CSNK2A2: variants seen among roughly 807,000 people sequenced by gnomAD.
CSNK2A2 encodes casein kinase II subunit alpha'.
Under a neutral mutation model 54.0 loss-of-function variants are expected in CSNK2A2, and 8 were observed. The ratio of observed to expected loss-of-function variants is 0.15; its 90% CI spans 0.09 to 0.27. CSNK2A2 has a LOEUF of 0.27. CSNK2A2 is among the 10% of genes least tolerant of loss of function. The probability of loss-of-function intolerance (pLI) is 1.00; values close to 1 mark genes in which losing one functional copy is unlikely to be tolerated. For missense variants in CSNK2A2, 242 were observed against 439.4 expected (o/e 0.55, Z 4.02); for synonymous variants, 141 against 153.9 (o/e 0.92, Z 0.62).
At chr16:58,165,299 G>A (rs2242445) in intron 10 of CSNK2A2, among the ~76,000 whole-genome samples, 1 of 152,050 alleles carries the variant, frequency 6.6e-6, no homozygotes, top group African/African-American at 2.4e-5. Context: ...AGAAACTTGC[G>A]ATCTATTAAC....
chr16:58,180,355 C>T (rs1211460891), intron 4 of CSNK2A2, among the ~76,000 whole-genome samples: 1 of 147,658 alleles, frequency 6.8e-6, no homozygotes, highest in East Asian at 2.0e-4. Flanking sequence ...GAAAGGATAA[C>T]TACAGATACT....
chr16:58,180,078 CAAAAAA>C (rs71385152), intron 4 of CSNK2A2, among the ~76,000 whole-genome samples: 4 of 91,018 alleles, frequency 4.4e-5, no homozygotes, highest in Non-Finnish European at 9.3e-5. Context: ...GACTCCTTCT[CAAAAAA>C]AAAAAAAAAA....
At chr16:58,167,583 T>C (rs906741619) in intron 7 of CSNK2A2, 102 bp downstream of exon 7, 2 of 871,838 alleles carry the variant, frequency 2.3e-6, no homozygotes, top group African/African-American at 3.4e-5. Context: ...GGTGAAATAA[T>C]GGCTGGGTTT....
At chr16:58,169,189 G>A (rs1028569968) in intron 5 of CSNK2A2, among the ~76,000 whole-genome samples, 4 of 151,954 alleles carry the variant, frequency 2.6e-5, no homozygotes, top group African/African-American at 9.7e-5. Context: ...GCCTCCCAAG[G>A]TACTGGGATT....
Position 58,197,802 on chromosome 16 carries a change from G to T in CSNK2A2, c.-66C>A. 2.7e-6 allele frequency: 1 copy of T among 369,432 alleles called. No homozygotes were observed. The highest frequency in any genetic ancestry group is 3.7e-6 in the Non-Finnish European group (1 of 271,974). The allele number at this position is 369,432 out of a possible 1,614,324, so 22.9% of individuals were successfully genotyped here. A position where few individuals can be genotyped will look rare whatever the true frequency, so the allele number is the denominator to read the frequency against. On this transcript the variant is annotated 5_prime_UTR_variant, in exon 1 of 12. Transcript: ENST00000262506. The surrounding 1 kb of genome is among the most constrained non-coding windows in gnomAD (Gnocchi z 4.0). Reference sequence around the variant, plus strand: ...GCGGCGGCGGCGCGGCGGGGGACGCGGGGCGTCGGGCGGAGGAGGCAGCGG... The same window carrying T: ...GCGGCGGCGGCGCGGCGGGGGACGCTGGGCGTCGGGCGGAGGAGGCAGCGG...
In CSNK2A2 at chr16:58,167,723, T is replaced by C. The variant is rs1195346315; in HGVS notation, c.586A>G (p.Arg196Gly). The change falls in exon 7 of 12, where the codon AGG becomes GGG. Residue 196 changes from arginine (R) to glycine (G), a missense_variant. By Grantham distance (125) the Arg-to-Gly change is moderately radical. Transcript: ENST00000262506. ...AQEYNVRVASRYFKGPELLVD... is the reference protein window; with the variant it reads ...AQEYNVRVASGYFKGPELLVD... The stretch of plus-strand genomic sequence containing the variant: ...AGGAGCTCTGGTCCCTTGAAGTACC[T>C]TGAGGCTACACGAACATTGTACTCC... The C allele has an allele frequency of 6.2e-7, 1 of 1,614,130 alleles. No individual in the cohort carries two copies. Among genetic ancestry groups the C allele is most frequent in the South Asian group, 1.1e-5 (1 of 91,082 alleles).
intron 4 of CSNK2A2, among the ~76,000 whole-genome samples, chr16:58,175,164 G>A (rs953224640): frequency 1.2e-4 from 19 of 152,132 alleles, no homozygotes; most frequent in Non-Finnish European, 2.4e-4. Flanking sequence ...AATGATCACT[G>A]GCCAAACTGA....
At chr16:58,166,742 G>A in intron 8 of CSNK2A2, 58 bp from the exon 9 acceptor site, 1 of 1,208,068 alleles carries the variant, frequency 8.3e-7, no homozygotes, top group South Asian at 1.2e-5. Context: ...ATGAGCCCGT[G>A]AGGACACTGC....
intron 2 of CSNK2A2, chr16:58,193,007 C>T (rs1962354641): frequency 6.6e-6 from 1 of 152,216 alleles, no homozygotes; most frequent in African/African-American, 2.4e-5. Context: ...TGGAAACGGC[C>T]TAGTTCACAT....
Position 58,166,572 on chromosome 16 carries a change from T to A in CSNK2A2, c.827+12A>T, listed in dbSNP as rs763919061. Reference sequence around the variant, plus strand: ...GGTAAGGTAAAGCACTCTCTCTCTCTCTCTTACTTACTGTCCCAGGATATC... The same window carrying A: ...GGTAAGGTAAAGCACTCTCTCTCTCACTCTTACTTACTGTCCCAGGATATC... On this transcript the variant is annotated intron_variant, in intron 9 of 11. Transcript: ENST00000262506. 3 of 1,571,518 alleles carry A rather than the reference T, an allele frequency of 1.9e-6. No homozygotes were observed. The highest frequency in any genetic ancestry group is 2.6e-6 in the Non-Finnish European group (3 of 1,141,836).
intron 3 of CSNK2A2, among the ~76,000 whole-genome samples, chr16:58,185,032 A>T (rs971447984): frequency 2.6e-5 from 4 of 152,344 alleles, no homozygotes; most frequent in African/African-American, 9.6e-5. Context: ...AAAGTGCTCA[A>T]TATCATCTTG....
At chr16:58,185,455 C>T (rs961593207) in intron 3 of CSNK2A2, among the ~76,000 whole-genome samples, 2 of 152,156 alleles carry the variant, frequency 1.3e-5, no homozygotes, top group Non-Finnish European at 2.9e-5. Flanking sequence ...CATACACATA[C>T]TTTAACAAAT....
chr16:58,171,327 A>AG (rs1961730333), intron 5 of CSNK2A2, among the ~76,000 whole-genome samples: 1 of 152,074 alleles, frequency 6.6e-6, no homozygotes, highest in Admixed American at 6.6e-5. Flanking sequence ...TTTTGAGACC[A>AG]GCCTGACCAA....
rs183094959 is a variant in CSNK2A2, at chr16:58,164,066, A to T, written c.*5T>A. The T allele has an allele frequency of 8.7e-6, 14 of 1,612,560 alleles. No homozygotes were observed. In the East Asian group the frequency reaches 2.2e-4, roughly 26 times the overall value. On this transcript the variant is annotated 3_prime_UTR_variant, in exon 11 of 12. Transcript: ENST00000262506. ...AATGCCGCATTACCCGTCGCTTTCC[A>T]GTCTTCATCGTGCTGCCGTGAGACC...
At chr16:58,163,411 T>C (rs1046319937) in intron 11 of CSNK2A2, 2 of 152,110 alleles carry the variant, frequency 1.3e-5, no homozygotes, top group African/African-American at 2.4e-5. Context: ...CATTGCAAGG[T>C]TTCGTGATCC....
At chr16:58,174,101 T>C in intron 5 of CSNK2A2, 1 of 167,862 alleles carries the variant, frequency 6.0e-6, no homozygotes, top group East Asian at 1.7e-4. Flanking sequence ...AACTCAATTA[T>C]AAGAAACAAT....
chr16:58,161,884 T>C (rs1340754927), intron 11 of CSNK2A2: 1 of 152,252 alleles, frequency 6.6e-6, no homozygotes, highest in Non-Finnish European at 1.5e-5. Flanking sequence ...AAGCTGCAGT[T>C]ACAAAACCCC....
intron 11 of CSNK2A2, chr16:58,162,601 T>C (rs769911204): frequency 1.3e-5 from 2 of 152,202 alleles, no homozygotes; most frequent in Non-Finnish European, 2.9e-5. Flanking sequence ...TATAAAAATG[T>C]ATGGCATTAT....
intron 11 of CSNK2A2, chr16:58,161,564 C>CACACACACAG (rs1961371708): frequency 7.4e-6 from 1 of 134,278 alleles, no homozygotes; most frequent in Non-Finnish European, 1.5e-5. Flanking sequence ...CACACACAGA[C>CACACACACAG]ACACACACAG....
Sources: gnomAD v4.1 joint callset for allele counts (sites outside exome capture counted in the v4.1 genomes callset) on GRCh38, gnomAD v4.1.1 for gene constraint, Gnocchi (gnomAD v3.1) non-coding constraint, MANE v1.5 for transcripts, NCBI Gene and HGNC (gene_info 2026-07-23, HGNC 2026-07-21) for gene names.